The following DOCK1 variants were observed in gnomAD, a reference collection of about 807,000 sequenced individuals.
DOCK1 encodes dedicator of cytokinesis protein 1.
A neutral mutation model predicts 262.7 loss-of-function variants in DOCK1; 138 were observed. The ratio of observed to expected loss-of-function variants is 0.53; its 90% confidence interval spans 0.46 to 0.61. DOCK1 has a LOEUF of 0.61. DOCK1 is among the 20% of genes least tolerant of loss of function. DOCK1 has a pLI of 0.00. For missense variants in DOCK1, 1,908 were observed against 2,370.7 expected (o/e 0.80, Z 4.05); for synonymous variants, 866 against 867.4 (o/e 1.00, Z 0.03).
At position 127,102,902 on chromosome 10, in the gene DOCK1, G is replaced by A. The variant is rs117720942; in HGVS notation, c.2446-3329G>A. On this transcript the variant is annotated intron_variant, in intron 23 of 51. Coordinates refer to ENST00000623213, the MANE Select transcript of DOCK1 (RefSeq NM_001290223.2). ...TCTTTTTTAATGTACAGCTCTGCCA[G>A]TTTTGACAAAGGCATAATGCATTCA... Among the ~76,000 whole-genome samples, 383 of 152,296 alleles carry A rather than the reference G, an allele frequency of 2.5e-3. 1 individual carries two copies. The highest frequency in any genetic ancestry group is 3.9e-3 in the Non-Finnish European group (266 of 68,030).
At chr10:127,169,366 G>A (rs1019056364) in intron 27 of DOCK1, among the ~76,000 whole-genome samples, 1 of 152,190 alleles carries the variant, frequency 6.6e-6, no homozygotes, top group African/African-American at 2.4e-5. Flanking sequence ...CATCACTTCA[G>A]TGATGTTTGG....
At chr10:127,017,106 A>AG (rs1565069553) in intron 12 of DOCK1, among the ~76,000 whole-genome samples, 3 of 68,356 alleles carry the variant, frequency 4.4e-5, no homozygotes, top group African/African-American at 1.9e-4. Flanking sequence ...CATACACACC[A>AG]ACACATGATA....
intron 29 of DOCK1, among the ~76,000 whole-genome samples, chr10:127,333,298 C>A (rs2063062549): frequency 6.6e-6 from 1 of 152,130 alleles, no homozygotes. Context: ...TGTGCAAGCC[C>A]CTGGAAGTTC....
chr10:127,200,063 G>A (rs185788633), intron 27 of DOCK1, among the ~76,000 whole-genome samples: 5 of 152,260 alleles, frequency 3.3e-5, no homozygotes, highest in Non-Finnish European at 7.4e-5. Flanking sequence ...CCAACTGTCC[G>A]ATGTCGCTGT....
chr10:126,944,790 G>T (rs1001124240), intron 1 of DOCK1, among the ~76,000 whole-genome samples: 1 of 152,200 alleles, frequency 6.6e-6, no homozygotes, highest in Non-Finnish European at 1.5e-5. Flanking sequence ...GCTGGAGAGG[G>T]TGTTATCAAC....
intron 38 of DOCK1, among the ~76,000 whole-genome samples, chr10:127,400,781 C>T (rs142234692): frequency 1.3e-5 from 2 of 152,286 alleles, no homozygotes; most frequent in East Asian, 3.9e-4. Flanking sequence ...TCCTCACCCA[C>T]CTCCCACCCC....
intron 29 of DOCK1, among the ~76,000 whole-genome samples, chr10:127,291,648 T>C (rs1372350664): frequency 3.3e-5 from 5 of 152,214 alleles, no homozygotes; most frequent in African/African-American, 1.2e-4. Context: ...CATCAGCAGC[T>C]GAGCCTGCAT....
intron 27 of DOCK1, among the ~76,000 whole-genome samples, chr10:127,179,879 C>T (rs2055560649): frequency 6.6e-6 from 1 of 152,164 alleles, no homozygotes; most frequent in Admixed American, 6.6e-5. Flanking sequence ...GTCACCATTC[C>T]CCTATGCATA....
intron 1 of DOCK1, among the ~76,000 whole-genome samples, chr10:126,946,383 C>G (rs2035406870): frequency 6.6e-6 from 1 of 152,088 alleles, no homozygotes; most frequent in East Asian, 1.9e-4. Context: ...CCCATTTCTA[C>G]TAAAAATACA....
chr10:127,025,076 T>G, intron 15 of DOCK1: 1 of 234,154 alleles, frequency 4.3e-6, no homozygotes, highest in Non-Finnish European at 8.5e-6. Flanking sequence ...TGTGGCATGC[T>G]GTCTTTACAC....
At chr10:127,169,773 T>C (rs375288779) in intron 27 of DOCK1, among the ~76,000 whole-genome samples, 23 of 152,216 alleles carry the variant, frequency 1.5e-4, no homozygotes, top group African/African-American at 5.1e-4. Flanking sequence ...CAGATGTCCA[T>C]GAGACTAAGT....
chr10:126,983,561 C>CA (rs1486529417), intron 4 of DOCK1, among the ~76,000 whole-genome samples: 2 of 152,122 alleles, frequency 1.3e-5, no homozygotes, highest in African/African-American at 4.8e-5. Context: ...GCCTTGTAAG[C>CA]CTCTCTTTCT....
intron 12 of DOCK1, among the ~76,000 whole-genome samples, chr10:127,014,074 T>C (rs1165000028): frequency 6.6e-6 from 1 of 152,276 alleles, no homozygotes; most frequent in Non-Finnish European, 1.5e-5. Context: ...TTCACACCTC[T>C]GTCCACATGC....
At chr10:127,415,073 A>C (rs1006114223) in intron 43 of DOCK1, 79 bp from the exon 44 acceptor site, 6 of 1,357,248 alleles carry the variant, frequency 4.4e-6, no homozygotes, top group Non-Finnish European at 6.2e-6. Context: ...GAGTTATTCT[A>C]TAAATCCCCC....
intron 45 of DOCK1, among the ~76,000 whole-genome samples, chr10:127,419,169 T>G (rs944809853): frequency 6.6e-6 from 1 of 152,200 alleles, no homozygotes; most frequent in South Asian, 2.1e-4. Flanking sequence ...ATGTTTACCA[T>G]CTGGCCTTTC....
chr10:127,212,725 C>T (rs1314388471), intron 27 of DOCK1, among the ~76,000 whole-genome samples: 2 of 145,934 alleles, frequency 1.4e-5, no homozygotes, highest in Non-Finnish European at 3.0e-5. Flanking sequence ...ATGATGGCAG[C>T]TTCTCTGTTA....
At chr10:127,300,832 C>T (rs910670171) in intron 29 of DOCK1, among the ~76,000 whole-genome samples, 3 of 152,148 alleles carry the variant, frequency 2.0e-5, no homozygotes, top group Non-Finnish European at 4.4e-5. Flanking sequence ...TGTGGCTCAG[C>T]TTGTTTCATC....
chr10:127,238,099 G>A (rs2059136054), intron 27 of DOCK1, among the ~76,000 whole-genome samples: 1 of 152,120 alleles, frequency 6.6e-6, no homozygotes, highest in Non-Finnish European at 1.5e-5. Context: ...TGCTCTGTAG[G>A]CACAGGAATA....
intron 25 of DOCK1, among the ~76,000 whole-genome samples, chr10:127,121,455 A>ATGTGTGTGTGTGTGTG (rs59477974): frequency 0.21 from 30,706 of 148,132 alleles, 3,683 homozygotes; most frequent in Middle Eastern, 0.33. Flanking sequence ...GTATATGTAT[A>ATGTGTGTGTGTGTGTG]TGTGTGTGTG....
Sources: allele counts gnomAD v4.1 joint callset (sites outside exome capture counted in the v4.1 genomes callset), GRCh38; gene constraint gnomAD v4.1.1; transcripts MANE v1.5; gene names NCBI Gene and HGNC (gene_info 2026-07-23, HGNC 2026-07-21).